The following SLC1A1 variants were observed in gnomAD, a reference collection of about 807,000 sequenced individuals.
SLC1A1 encodes the protein solute carrier family 1 member 1, also known as excitatory amino acid transporter 3.
Under a neutral mutation model 53.3 loss-of-function variants are expected in SLC1A1, and 43 were observed. The observed-to-expected ratio is 0.81, with a 90% confidence interval of 0.63 to 1.04. SLC1A1 has a LOEUF of 1.04. Among genes scored for constraint, SLC1A1 ranks in the 50% least tolerant of loss-of-function variants. The pLI is 0.00. For synonymous variants in SLC1A1, 307 were observed against 243.2 expected (o/e 1.26, Z -2.44); for missense variants, 748 against 664.9 (o/e 1.12, Z -1.37).
chr9:4,561,552 T>C lies in SLC1A1; in HGVS notation c.325+11T>C, dbSNP rs368492616. The C allele has an allele frequency of 2.2e-5, 31 of 1,441,306 alleles. No individual in the cohort carries two copies. Among genetic ancestry groups the C allele is most frequent in the African/African-American group, 2.8e-5 (2 of 71,480 alleles). The allele number at this position is 1,441,306 out of a possible 1,614,324, so 89.3% of individuals were successfully genotyped here. A position where few individuals can be genotyped will look rare whatever the true frequency, so the allele number is the denominator to read the frequency against. ...TTGCTGTTATTCTAGGTAATACTTATTTCTGAATCCTTACTACTTTATGTA... is the reference window on the plus strand; with the variant it reads ...TTGCTGTTATTCTAGGTAATACTTACTTCTGAATCCTTACTACTTTATGTA... On this transcript the variant is annotated intron_variant, in intron 3 of 11. Transcript: ENST00000262352.
At chr9:4,502,973 T>G (rs1027249313) in intron 1 of SLC1A1, among the ~76,000 whole-genome samples, 2 of 151,828 alleles carry the variant, frequency 1.3e-5, no homozygotes, top group African/African-American at 4.9e-5. Context: ...AGAACTGTTG[T>G]ACTTTCATGC....
intron 1 of SLC1A1, among the ~76,000 whole-genome samples, chr9:4,525,461 C>G (rs1416540577): frequency 6.6e-6 from 1 of 152,036 alleles, no homozygotes; most frequent in East Asian, 1.9e-4. Context: ...AAAAAGCCAA[C>G]CCCCTCCTCA....
At chr9:4,547,126 T>C (rs539768205) in intron 2 of SLC1A1, among the ~76,000 whole-genome samples, 9 of 152,370 alleles carry the variant, frequency 5.9e-5, no homozygotes, top group African/African-American at 2.2e-4. Flanking sequence ...ACAAGTGAGT[T>C]TTGTTTTGGT....
chr9:4,508,481 C>T (rs1031499518), intron 1 of SLC1A1, among the ~76,000 whole-genome samples: 1 of 152,102 alleles, frequency 6.6e-6, no homozygotes, highest in African/African-American at 2.4e-5. Context: ...CTCACTTGAG[C>T]CCAAAGGACT....
Position 4,576,069 on chromosome 9 carries a change from G to C in SLC1A1, c.944G>C (p.Arg315Pro), listed in dbSNP as rs745891601. 1.9e-6 allele frequency: 3 copies of C among 1,613,422 alleles called. No homozygotes were observed. In the African/African-American group the frequency reaches 4.0e-5, roughly 22 times the overall value. Residue 315 changes from arginine to proline, a missense_variant, in exon 9 of 12, where the codon CGA (arginine) becomes CCA (proline). Physicochemically the swap from Arg to Pro is moderately radical, Grantham distance 103. Transcript: ENST00000262352. ...YFIVVRKNPF[R>P]FAMGMAQALL... ...ATAGTCGTACGAAAGAACCCTTTCC[G>C]ATTTGCCATGGGAATGGCCCAGGCT... is the stretch of plus-strand genomic sequence containing the variant.
intron 1 of SLC1A1, among the ~76,000 whole-genome samples, chr9:4,534,441 CAAAT>C (rs1564013702): frequency 6.6e-6 from 1 of 152,164 alleles, no homozygotes; most frequent in African/African-American, 2.4e-5. Context: ...CACCTCTACA[CAAAT>C]AAACCAGAAA....
At chr9:4,500,213 G>C (rs1820584555) in intron 1 of SLC1A1, among the ~76,000 whole-genome samples, 1 of 152,186 alleles carries the variant, frequency 6.6e-6, no homozygotes, top group Non-Finnish European at 1.5e-5. Flanking sequence ...CACTCTCGAA[G>C]AAAATGAACT....
intron 2 of SLC1A1, among the ~76,000 whole-genome samples, chr9:4,546,032 C>T (rs977834920): frequency 6.6e-6 from 1 of 152,106 alleles, no homozygotes; most frequent in Admixed American, 6.5e-5. Context: ...CTGGGACTGG[C>T]CCTGGTAGAG....
At chr9:4,491,171 T>G (rs764991364) in intron 1 of SLC1A1, among the ~76,000 whole-genome samples, 9 of 152,218 alleles carry the variant, frequency 5.9e-5, no homozygotes, top group Non-Finnish European at 1.3e-4. Context: ...CCAGCCTCGC[T>G]GCGCGGGCAG....
In SLC1A1 at chr9:4,568,982, T is replaced by C. The variant is rs7863182; in HGVS notation, c.582+1215T>C. On this transcript the variant is annotated intron_variant, in intron 6 of 11. Coordinates refer to ENST00000262352, the MANE Select transcript of SLC1A1 (RefSeq NM_004170.6). ...GTTCCCAGAAACTTAACCCTGTATT[T>C]CCCCCAGGAGCAACGGTTCAGTATT... 3.8e-3 allele frequency among the ~76,000 whole-genome samples: 581 copies of C among 152,242 alleles called. 2 individuals carry two copies. Among genetic ancestry groups the C allele is most frequent in the African/African-American group, 0.013 (552 of 41,540 alleles).
intron 1 of SLC1A1, among the ~76,000 whole-genome samples, chr9:4,510,327 G>A (rs1820958271): frequency 6.6e-6 from 1 of 152,206 alleles, no homozygotes; most frequent in Non-Finnish European, 1.5e-5. Flanking sequence ...TTCCATGCAA[G>A]GAGGGCAAAT....
In SLC1A1 at chr9:4,556,765, T is replaced by C. The variant is rs1031028572; in HGVS notation, c.233-4684T>C. On this transcript the variant is annotated intron_variant, in intron 2 of 11. Coordinates refer to ENST00000262352, the MANE Select transcript of SLC1A1 (RefSeq NM_004170.6). This position sits in a 1 kb window ranked among gnomAD's most constrained non-coding sequence, Gnocchi z 4.1. ...GTCCCCAAGGCAGCAAAAGCTGTTT[T>C]TATTTGGTGGTGGTGAGTTGGGGGA... 6.6e-6 allele frequency among the ~76,000 whole-genome samples: 1 copy of C among 152,156 alleles called. No homozygotes were observed. The highest frequency in any genetic ancestry group is 1.5e-5 in the Non-Finnish European group (1 of 68,028).
intron 2 of SLC1A1, among the ~76,000 whole-genome samples, chr9:4,558,842 C>G (rs1179898991): frequency 6.6e-6 from 1 of 152,126 alleles, no homozygotes; most frequent in Admixed American, 6.6e-5. Context: ...GACGACATAT[C>G]TGAAAATAGA....
At chr9:4,563,961 G>C (rs1368425936) in intron 3 of SLC1A1, among the ~76,000 whole-genome samples, 1 of 152,062 alleles carries the variant, frequency 6.6e-6, no homozygotes, top group East Asian at 1.9e-4. Context: ...GCATTCTCTG[G>C]GCTAGAAAAT....
At chr9:4,510,498 C>G (rs1586698690) in intron 1 of SLC1A1, among the ~76,000 whole-genome samples, 2 of 152,236 alleles carry the variant, frequency 1.3e-5, no homozygotes, top group East Asian at 3.9e-4. Flanking sequence ...ATTTATGGCT[C>G]AGATACCATA....
At chr9:4,503,406 AT>A (rs1361377123) in intron 1 of SLC1A1, among the ~76,000 whole-genome samples, 1 of 151,886 alleles carries the variant, frequency 6.6e-6, no homozygotes, top group Non-Finnish European at 1.5e-5. Flanking sequence ...CAAAGTCTGT[AT>A]TTTGTCCTCT....
chr9:4,584,258 C>A (rs1378855338), intron 11 of SLC1A1, among the ~76,000 whole-genome samples: 1 of 152,244 alleles, frequency 6.6e-6, no homozygotes, highest in Non-Finnish European at 1.5e-5. Flanking sequence ...GGAAGCTGTG[C>A]CATGAGGTGG....
intron 1 of SLC1A1, among the ~76,000 whole-genome samples, chr9:4,518,199 C>T (rs1815929685): frequency 7.9e-6 from 1 of 126,342 alleles, no homozygotes; most frequent in East Asian, 2.6e-4. Context: ...CTCACCATTG[C>T]ACTCCAGCCT....
intron 10 of SLC1A1, 85 bp downstream of exon 10, chr9:4,576,848 G>A (rs1459607455): frequency 4.9e-6 from 6 of 1,232,776 alleles, no homozygotes; most frequent in Non-Finnish European, 7.2e-6. Context: ...CACCAAGAAT[G>A]TCGCAGTGAT....
Sources: gnomAD v4.1 joint callset for allele counts (sites outside exome capture counted in the v4.1 genomes callset) on GRCh38, gnomAD v4.1.1 for gene constraint, Gnocchi (gnomAD v3.1) non-coding constraint, MANE v1.5 for transcripts, NCBI Gene and HGNC (gene_info 2026-07-23, HGNC 2026-07-21) for gene names.